ITGA2: variants seen among roughly 807,000 people sequenced by gnomAD.
The protein encoded by ITGA2 is integrin subunit alpha 2.
Under a neutral mutation model 146.3 loss-of-function variants are expected in ITGA2, and 101 were observed. The ratio of observed to expected loss-of-function variants is 0.69; its 90% confidence interval spans 0.59 to 0.81. ITGA2 has a LOEUF of 0.81. Among genes scored for constraint, ITGA2 ranks in the 40% least tolerant of loss-of-function variants. The probability of loss-of-function intolerance (pLI) is 0.00; values close to 1 mark genes in which losing one functional copy is unlikely to be tolerated. For synonymous variants in ITGA2, 477 were observed against 487.1 expected (o/e 0.98, Z 0.27); for missense variants, 1,281 against 1,402.7 (o/e 0.91, Z 1.39).
chr5:53,078,992 T>G (rs541896914), intron 24 of ITGA2, 118 bp downstream of exon 24: 12 of 708,366 alleles, frequency 1.7e-5, no homozygotes, highest in Middle Eastern at 5.0e-4. Flanking sequence ...GTTCTCAAAC[T>G]TGGGTGTGCA....
intron 24 of ITGA2, among the ~76,000 whole-genome samples, chr5:53,079,508 C>G (rs1244892970): frequency 6.6e-6 from 1 of 152,020 alleles, no homozygotes; most frequent in Non-Finnish European, 1.5e-5. Flanking sequence ...GAAAGAATAA[C>G]TATTTTATAT....
At chr5:53,052,396 C>A (rs904149588) in intron 7 of ITGA2, among the ~76,000 whole-genome samples, 3 of 152,098 alleles carry the variant, frequency 2.0e-5, no homozygotes, top group Non-Finnish European at 4.4e-5. Flanking sequence ...TGGTTTCCAG[C>A]TCCATCCATG....
intron 2 of ITGA2, among the ~76,000 whole-genome samples, chr5:53,033,222 T>G (rs990628611): frequency 2.6e-5 from 4 of 151,958 alleles, no homozygotes; most frequent in African/African-American, 9.7e-5. Flanking sequence ...TGAGCTGAGA[T>G]CATACCACTG....
At chr5:53,055,902 T>C in intron 8 of ITGA2, 82 bp from the exon 9 acceptor site, 1 of 1,381,726 alleles carries the variant, frequency 7.2e-7, no homozygotes, top group Non-Finnish European at 1.0e-6. Context: ...GAGGGAATAT[T>C]GTGTTCAAAA....
At chr5:53,030,806 A>G (rs1202495701) in intron 2 of ITGA2, among the ~76,000 whole-genome samples, 1 of 152,222 alleles carries the variant, frequency 6.6e-6, no homozygotes, top group African/African-American at 2.4e-5. Context: ...CTTGCAGTTA[A>G]TGGTGTTTGT....
At position 52,998,530 on chromosome 5, in the gene ITGA2, T is replaced by G. The variant is rs916494385; in HGVS notation, c.64+8998T>G. Among the ~76,000 whole-genome samples the G allele has an allele frequency of 7.2e-5, 11 of 152,148 alleles. No homozygotes were observed. The South Asian group carries it at 1.0e-3, about 14-fold the overall frequency. On this transcript the variant is annotated intron_variant, in intron 1 of 29. Transcript: ENST00000296585. Reference sequence around the variant, plus strand: ...CTCCTGCCTTTTTTCATGTCCTCTCTCTCTTTCTGGAATACTCTTTAGCCC... The same window carrying G: ...CTCCTGCCTTTTTTCATGTCCTCTCGCTCTTTCTGGAATACTCTTTAGCCC...
At position 53,062,931 on chromosome 5, in the gene ITGA2, T is replaced by TG; in HGVS notation, c.1602+2_1602+3insG. 2.3e-6 allele frequency: 3 copies of TG among 1,310,648 alleles called. No homozygotes were observed. In the South Asian group the frequency reaches 3.9e-5, roughly 17 times the overall value. The allele number at this position is 1,310,648 out of a possible 1,614,324, so 81.2% of individuals were successfully genotyped here. A position where few individuals can be genotyped will look rare whatever the true frequency, so the allele number is the denominator to read the frequency against. On this transcript the variant is annotated splice_region_variant and intron_variant, in intron 13 of 29. Transcript: ENST00000296585. ...GTCTACCTGTTTACTATCAAAGAGG[T>TG]AAAAAAAAAAAAATAAACTAATAGT...
At chr5:53,083,561 A>T in intron 27 of ITGA2, 108 bp downstream of exon 27, 1 of 756,846 alleles carries the variant, frequency 1.3e-6, no homozygotes, top group Non-Finnish European at 2.4e-6. Flanking sequence ...AATGTCTGCA[A>T]TGGCCAAATA....
intron 23 of ITGA2, among the ~76,000 whole-genome samples, chr5:53,076,433 C>G (rs547151482): frequency 4.6e-5 from 7 of 151,972 alleles, no homozygotes; most frequent in Non-Finnish European, 8.8e-5. Flanking sequence ...GCTTCTGTAT[C>G]AAGTGAGTTG....
At chr5:52,998,386 G>A (rs528593259) in intron 1 of ITGA2, among the ~76,000 whole-genome samples, 12 of 152,186 alleles carry the variant, frequency 7.9e-5, no homozygotes, top group African/African-American at 1.9e-4. Context: ...CCTGGGAGGC[G>A]GAGGTTGCAG....
chr5:53,062,731 A>G, intron 12 of ITGA2, 55 bp from the exon 13 acceptor site: 1 of 1,555,958 alleles, frequency 6.4e-7, no homozygotes, highest in South Asian at 1.1e-5. Flanking sequence ...TCAGTGTAAT[A>G]TTAGAAGTAT....
intron 7 of ITGA2, 152 bp downstream of exon 7, chr5:53,051,711 T>C: frequency 1.2e-6 from 1 of 806,068 alleles, no homozygotes; most frequent in Non-Finnish European, 2.0e-6. Flanking sequence ...CATCAGAGCA[T>C]TCTATGTCTT....
intron 7 of ITGA2, among the ~76,000 whole-genome samples, chr5:53,052,085 A>AT (rs1479685404): frequency 2.6e-5 from 4 of 151,838 alleles, no homozygotes; most frequent in African/African-American, 9.7e-5. Flanking sequence ...TTTTCACTCT[A>AT]TTTTTTATTT....
chr5:53,082,703 T>TCGGGTTC (rs1745981785), intron 26 of ITGA2, among the ~76,000 whole-genome samples: 1 of 152,180 alleles, frequency 6.6e-6, no homozygotes, highest in South Asian at 2.1e-4. Context: ...TAGTTTACAT[T>TCGGGTTC]AGGGTTCACT....
rs150226593 is a variant in ITGA2, at chr5:53,018,494, C to G, written c.65-8254C>G. 4.6e-5 allele frequency among the ~76,000 whole-genome samples: 7 copies of G among 151,924 alleles called. No individual in the cohort carries two copies. The East Asian group carries it at 1.4e-3, about 30-fold the overall frequency. On this transcript the variant is annotated intron_variant, in intron 1 of 29. Coordinates refer to ENST00000296585, the MANE Select transcript of ITGA2 (RefSeq NM_002203.4). ...CCTCGTGTAGGGCTCCTAGCTTTCT[C>G]CCCCTTCAGCCCAGCATCCGTGTCC...
At chr5:53,025,894 G>A (rs1742920033) in intron 1 of ITGA2, among the ~76,000 whole-genome samples, 1 of 152,112 alleles carries the variant, frequency 6.6e-6, no homozygotes, top group South Asian at 2.1e-4. Flanking sequence ...TGCTGTCAGT[G>A]TCATACAGAG....
rs570249354 is a variant in ITGA2 at position 53,065,346 on chromosome 5, T to C, written c.1806+231T>C. Among the ~76,000 whole-genome samples, 120 of 152,010 alleles carry C rather than the reference T, an allele frequency of 7.9e-4. 1 individual carries two copies. Among genetic ancestry groups the C allele is most frequent in the African/African-American group, 2.7e-3 (111 of 41,518 alleles). Reference sequence around the variant, plus strand: ...TGATCTTTGTGTGCCTTATATTATATTGGAGGAGACAAATAAAAAGAAAGA... The same window carrying C: ...TGATCTTTGTGTGCCTTATATTATACTGGAGGAGACAAATAAAAAGAAAGA... On this transcript the variant is annotated intron_variant, in intron 14 of 29. Transcript: ENST00000296585.
At chr5:53,050,223 A>G (rs1430142908) in intron 6 of ITGA2, among the ~76,000 whole-genome samples, 1 of 152,156 alleles carries the variant, frequency 6.6e-6, no homozygotes, top group Non-Finnish European at 1.5e-5. Flanking sequence ...TTCCTACCAC[A>G]GTGCATCTGA....
chr5:53,003,251 G>A (rs543255456), intron 1 of ITGA2, among the ~76,000 whole-genome samples: 3 of 152,254 alleles, frequency 2.0e-5, no homozygotes, highest in African/African-American at 7.2e-5. Flanking sequence ...ACTTCCATGG[G>A]TCAGAACCCT....
Sources: allele counts gnomAD v4.1 joint callset (sites outside exome capture counted in the v4.1 genomes callset), GRCh38; gene constraint gnomAD v4.1.1; transcripts MANE v1.5; gene names NCBI Gene and HGNC (gene_info 2026-07-23, HGNC 2026-07-21).